The following SPAG9 variants were observed in gnomAD, a reference collection of about 807,000 sequenced individuals.
SPAG9 encodes C-Jun-amino-terminal kinase-interacting protein 4.
Under a neutral mutation model 166.5 loss-of-function variants are expected in SPAG9, and 35 were observed. The observed-to-expected ratio is 0.21, with a 90% confidence interval of 0.16 to 0.28. The LOEUF (loss-of-function observed/expected upper bound fraction) is 0.28. Among genes scored for constraint, SPAG9 ranks in the 10% least tolerant of loss-of-function variants. The probability of loss-of-function intolerance (pLI) is 1.00; values close to 1 mark genes in which losing one functional copy is unlikely to be tolerated. For synonymous variants in SPAG9, 534 were observed against 565.5 expected (o/e 0.94, Z 0.79); for missense variants, 1,235 against 1,603.3 (o/e 0.77, Z 3.92).
At chr17:51,115,690 C>T (rs1252338232) in intron 1 of SPAG9, among the ~76,000 whole-genome samples, 1 of 151,878 alleles carries the variant, frequency 6.6e-6, no homozygotes, top group Non-Finnish European at 1.5e-5. Flanking sequence ...ATTAGCCAGG[C>T]GTGGTGGCGC....
chr17:50,992,938 A>C (rs1300133255), intron 19 of SPAG9, among the ~76,000 whole-genome samples: 2 of 151,750 alleles, frequency 1.3e-5, no homozygotes, highest in Admixed American at 6.6e-5. Context: ...TCTACCAAAA[A>C]TACAAAAATT....
chr17:51,087,344 G>A (rs868254463), intron 1 of SPAG9, among the ~76,000 whole-genome samples: 1 of 152,158 alleles, frequency 6.6e-6, no homozygotes, highest in African/African-American at 2.4e-5. Flanking sequence ...AAGAATTTAT[G>A]AATGAGAAAA....
intron 1 of SPAG9, among the ~76,000 whole-genome samples, chr17:51,093,669 TG>T (rs2048531523): frequency 1.7e-5 from 2 of 117,438 alleles, no homozygotes; most frequent in African/African-American, 6.9e-5. Context: ...CACTCCAGCC[TG>T]GGCGACAGAG....
intron 6 of SPAG9, 168 bp downstream of exon 6, chr17:51,031,513 C>A: frequency 1.7e-6 from 1 of 592,768 alleles, no homozygotes; most frequent in Non-Finnish European, 3.0e-6. Context: ...GCAGTAAAGC[C>A]CTGACAACCA....
In SPAG9 at chr17:50,989,921, A is replaced by G. The variant is rs193195893; in HGVS notation, c.2618-49T>C. 1.3e-4 allele frequency: 190 copies of G among 1,512,382 alleles called. No individual in the cohort carries two copies. In the African/African-American group the frequency reaches 2.3e-3, roughly 18 times the overall value. The allele number at this position is 1,512,382 out of a possible 1,614,324, so 93.7% of individuals were successfully genotyped here. A position where few individuals can be genotyped will look rare whatever the true frequency, so the allele number is the denominator to read the frequency against. ...TCCAAGTCTGGGCTTTTCTCCTCCA[A>G]TTATTTCCCCACACAAACCCCTGTT... is the stretch of plus-strand genomic sequence containing the variant. On this transcript the variant is annotated intron_variant, in intron 20 of 29. Coordinates refer to ENST00000262013, the MANE Select transcript of SPAG9 (RefSeq NM_001130528.3).
intron 2 of SPAG9, among the ~76,000 whole-genome samples, chr17:51,062,015 A>AT (rs897068286): frequency 2.0e-5 from 3 of 152,090 alleles, no homozygotes; most frequent in Admixed American, 6.5e-5. Flanking sequence ...ACATATCTAT[A>AT]TTTTTTTATT....
At chr17:51,004,796 T>C (rs2045128584) in intron 12 of SPAG9, among the ~76,000 whole-genome samples, 2 of 152,260 alleles carry the variant, frequency 1.3e-5, no homozygotes, top group Admixed American at 6.5e-5. Context: ...TCTGTACTTA[T>C]GTTCACAACA....
At chr17:51,017,518 CTGAG>C (rs1337795665) in intron 8 of SPAG9, among the ~76,000 whole-genome samples, 1 of 120,294 alleles carries the variant, frequency 8.3e-6, no homozygotes, top group African/African-American at 3.5e-5. Context: ...GAGAACCTGT[CTGAG>C]AGAGAGAGAG....
intron 2 of SPAG9, among the ~76,000 whole-genome samples, chr17:51,075,877 C>T (rs1390042572): frequency 1.3e-5 from 2 of 151,722 alleles, no homozygotes; most frequent in South Asian, 2.1e-4. Flanking sequence ...ATGTGGATCA[C>T]GAGGTCAGGA....
intron 8 of SPAG9, among the ~76,000 whole-genome samples, chr17:51,016,541 G>A (rs1598000134): frequency 6.6e-6 from 1 of 152,184 alleles, no homozygotes; most frequent in African/African-American, 2.4e-5. Context: ...TTAGTAACAG[G>A]TCCACAGAAA....
Position 50,999,663 on chromosome 17 carries a change from C to T in SPAG9, c.1662G>A (p.Gln554=), listed in dbSNP as rs780237884. 28 of 1,611,980 alleles carry T rather than the reference C, an allele frequency of 1.7e-5. No homozygotes were observed. Among genetic ancestry groups the T allele is most frequent in the Non-Finnish European group, 2.3e-5 (27 of 1,178,534 alleles). The change falls in exon 14 of 30, where the codon CAG becomes CAA. Residue 554 remains glutamine (Q), a splice_region_variant and synonymous_variant. Coordinates refer to ENST00000262013, the MANE Select transcript of SPAG9 (RefSeq NM_001130528.3). ...MQEKKRSSIW[Q]FFSRLFSSSS... is the part of the protein sequence containing the mutation. Reference sequence around the variant, plus strand: ...CATCTTTGTTTTTCAATACTTACAACTGCCAAATGCTTGACCTTTTTTTTT... The same window carrying T: ...CATCTTTGTTTTTCAATACTTACAATTGCCAAATGCTTGACCTTTTTTTTT...
intron 28 of SPAG9, among the ~76,000 whole-genome samples, chr17:50,973,849 G>C (rs1256240364): frequency 6.6e-6 from 1 of 152,120 alleles, no homozygotes; most frequent in African/African-American, 2.4e-5. Context: ...CTCTTCCCGG[G>C]GTCTCCAGCC....
intron 29 of SPAG9, among the ~76,000 whole-genome samples, chr17:50,969,105 G>C (rs984270526): frequency 1.3e-5 from 2 of 151,880 alleles, no homozygotes; most frequent in Admixed American, 1.3e-4. Context: ...GCTAATTTTT[G>C]TATTTTTATT....
chr17:51,025,146 C>T (rs1385850622), intron 6 of SPAG9, among the ~76,000 whole-genome samples: 1 of 151,350 alleles, frequency 6.6e-6, no homozygotes, highest in African/African-American at 2.4e-5. Context: ...TGGGGAAACC[C>T]CGTCTCTACT....
Position 50,998,328 on chromosome 17 carries a change from C to A in SPAG9, c.1838+116G>T, listed in dbSNP as rs190822776. On this transcript the variant is annotated intron_variant, in intron 15 of 29. Coordinates refer to ENST00000262013, the MANE Select transcript of SPAG9 (RefSeq NM_001130528.3). ...TACAGGTGTGAGCCACCGTGCCTGG[C>A]CCAGAAATGATTTTTTTATAGATTT... is the stretch of plus-strand genomic sequence containing the variant. 7.6e-4 allele frequency: 741 copies of A among 972,068 alleles called. 9 individuals carry two copies. In the Admixed American group the frequency reaches 0.01, roughly 13 times the overall value. The allele number at this position is 972,068 out of a possible 1,614,324, so 60.2% of individuals were successfully genotyped here. A position where few individuals can be genotyped will look rare whatever the true frequency, so the allele number is the denominator to read the frequency against.
At chr17:50,990,418 A>C (rs1414588988) in intron 20 of SPAG9, 32 bp downstream of exon 20, 1 of 1,471,726 alleles carries the variant, frequency 6.8e-7, no homozygotes, top group Non-Finnish European at 9.5e-7. Flanking sequence ...CTTAGACTCT[A>C]TACAGATGGC....
intron 2 of SPAG9, among the ~76,000 whole-genome samples, chr17:51,072,397 A>G (rs999542407): frequency 1.3e-5 from 2 of 149,466 alleles, no homozygotes; most frequent in Non-Finnish European, 3.0e-5. Context: ...AAAACAAAAA[A>G]TCAGGCTAGG....
intron 1 of SPAG9, among the ~76,000 whole-genome samples, chr17:51,105,965 T>TA (rs1440715437): frequency 6.6e-6 from 1 of 150,752 alleles, no homozygotes; most frequent in Admixed American, 6.6e-5. Context: ...CTTGCTTGGT[T>TA]AAAAAAAATA....
chr17:51,067,050 C>T (rs1159432013), intron 2 of SPAG9, among the ~76,000 whole-genome samples: 1 of 151,972 alleles, frequency 6.6e-6, no homozygotes, highest in Non-Finnish European at 1.5e-5. Context: ...TACTGTGATC[C>T]TAAATTTTAT....
Sources: gnomAD v4.1 joint callset for allele counts (sites outside exome capture counted in the v4.1 genomes callset) on GRCh38, gnomAD v4.1.1 for gene constraint, MANE v1.5 for transcripts, NCBI Gene and HGNC (gene_info 2026-07-23, HGNC 2026-07-21) for gene names.